PER1: variants seen among roughly 807,000 people sequenced by gnomAD.
The protein encoded by PER1 is period circadian regulator 1, also known as period circadian protein homolog 1.
Under a neutral mutation model 125.9 loss-of-function variants are expected in PER1, and 87 were observed. The ratio of observed to expected loss-of-function variants is 0.69; its 90% confidence interval spans 0.58 to 0.83. The LOEUF (loss-of-function observed/expected upper bound fraction) is 0.83. PER1 is among the 40% of genes least tolerant of loss of function. The pLI is 0.00. For missense variants in PER1, 1,775 were observed against 1,722.8 expected, an observed-to-expected ratio of 1.03 and a Z score of -0.54; for synonymous variants, 801 against 714.7, an observed-to-expected ratio of 1.12 and a Z score of -1.93.
rs1598245330 is a variant in PER1, at chr17:8,142,287, G to C, written c.3431C>G (p.Thr1144Ser). The C allele has an allele frequency of 6.2e-7, 1 of 1,602,206 alleles. No individual in the cohort carries two copies. The highest frequency in any genetic ancestry group is 2.2e-5 in the East Asian group (1 of 44,780). Residue 1144 changes from threonine to serine, a missense_variant, in exon 21 of 23, where the codon ACC becomes AGC. Coordinates refer to ENST00000317276, the MANE Select transcript of PER1 (RefSeq NM_002616.3). Reference sequence around the variant, plus strand: ...GCCTCACCTGGAGGGCACCTGGTAGGTCATCATGACGCGCTGGTCAGCATT... The same window carrying C: ...GCCTCACCTGGAGGGCACCTGGTAGCTCATCATGACGCGCTGGTCAGCATT... ...MANADQRVMM[T>S]YQVPSRDMTS...
At chr17:8,144,406 G>A (rs2151859866) in intron 18 of PER1, 2 of 435,396 alleles carry the variant, frequency 4.6e-6, no homozygotes, top group Admixed American at 4.1e-5. Flanking sequence ...CCCAGAGTTG[G>A]CCCAGAATCT....
chr17:8,148,210 G>A lies in PER1; in HGVS notation c.1098C>T (p.Pro366=), dbSNP rs763930571. ...DKRIFTTRHT[P]SCLFQDVDER... ...CATCCACATCCTGGAAGAGGCAGCT[G>A]GGTGTGTGCCGCGTAGTGAAAATCC... Residue 366 remains proline (P), a synonymous_variant, in exon 9 of 23, where the codon CCC becomes CCT. Coordinates refer to ENST00000317276, the MANE Select transcript of PER1 (RefSeq NM_002616.3). 1.9e-6 allele frequency: 3 copies of A among 1,614,118 alleles called. No homozygotes were observed. Among genetic ancestry groups the A allele is most frequent in the South Asian group, 1.1e-5 (1 of 91,078 alleles).
Position 8,141,313 on chromosome 17 carries a change from G to C in PER1, c.3628C>G (p.Gln1210Glu). ...GGGTCATCAGGGTGACCAGGATCTT[G>C]GGTGCTGCTCCCACAGTCCACACAG... Reference protein sequence around the residue: ...MACVDCGSSTQDPGHPDDPLF... With the variant: ...MACVDCGSSTEDPGHPDDPLF... The change falls in exon 23 of 23, where the codon CAA (glutamine) becomes GAA (glutamate). Residue 1210 changes from glutamine (Q) to glutamate (E), a missense_variant. Physicochemically the swap from Gln to Glu is conservative, Grantham distance 29 (BLOSUM62 2). Transcript: ENST00000317276. 1 of 1,612,766 alleles carries C rather than the reference G, an allele frequency of 6.2e-7. No individual in the cohort carries two copies. Among genetic ancestry groups the C allele is most frequent in the Non-Finnish European group, 8.5e-7 (1 of 1,179,400 alleles).
In PER1 at chr17:8,149,651, C is replaced by A; in HGVS notation, c.664G>T (p.Val222Leu). The change falls in exon 6 of 23, where the codon GTG becomes TTG. Residue 222 changes from valine to leucine, a missense_variant. By Grantham distance (32) the Val-to-Leu change is conservative (BLOSUM62 1). Coordinates refer to ENST00000317276, the MANE Select transcript of PER1 (RefSeq NM_002616.3). ...CGGCCCGTCAGGAAGGAGACAGCCACTGAGAAGGTATCCTGGCAGGAGGGG... is the reference window on the plus strand; with the variant it reads ...CGGCCCGTCAGGAAGGAGACAGCCAATGAGAAGGTATCCTGGCAGGAGGGG... Reference protein sequence around the residue: ...YTLQNQDTFSVAVSFLTGRIV... With the variant: ...YTLQNQDTFSLAVSFLTGRIV... 1 of 1,610,262 alleles carries A rather than the reference C, an allele frequency of 6.2e-7. No homozygotes were observed.
intron 7 of PER1, 194 bp from the exon 8 acceptor site, chr17:8,148,980 GGAGTTC>G: frequency 4.6e-6 from 3 of 655,458 alleles, no homozygotes; most frequent in Non-Finnish European, 7.8e-6. Context: ...CCTGAGGTCA[GGAGTTC>G]GAGACCAGCC....
Position 8,143,475 on chromosome 17 carries a change from A to T in PER1, c.2863T>A (p.Ser955Thr). ...GGGGCGAGGGCGGGCAAGGATGGAG[A>T]AGGGGAGTGCGAGGCAGGAGTGGGA... ...GPPTPASHSPSPSLPALAPSP... is the reference protein window; with the variant it reads ...GPPTPASHSPTPSLPALAPSP... The change falls in exon 19 of 23, where the codon TCT (serine) becomes ACT (threonine). Residue 955 changes from serine (S) to threonine (T), a missense_variant. Physicochemically the swap from Ser to Thr is moderately conservative, Grantham distance 58. Transcript: ENST00000317276. 3.8e-6 allele frequency: 6 copies of T among 1,599,984 alleles called. No homozygotes were observed. Among genetic ancestry groups the T allele is most frequent in the Non-Finnish European group, 4.3e-6 (5 of 1,172,208 alleles).
chr17:8,143,949 C>CA, intron 18 of PER1, 73 bp from the exon 19 acceptor site: 2 of 1,520,392 alleles, frequency 1.3e-6, no homozygotes, highest in Non-Finnish European at 1.8e-6. Context: ...ACTGCCCTGA[C>CA]ACGCTGACCA....
At position 8,141,351 on chromosome 17, in the gene PER1, G is replaced by C. The variant is rs1016239454; in HGVS notation, c.3601-11C>G. 6.3e-7 allele frequency: 1 copy of C among 1,592,954 alleles called. No homozygotes were observed. Among genetic ancestry groups the C allele is most frequent in the African/African-American group, 1.3e-5 (1 of 74,658 alleles). On this transcript the variant is annotated splice_polypyrimidine_tract_variant and intron_variant, in intron 22 of 22. Transcript: ENST00000317276. ...ACAGTCCACACAGGCCTTGGTGAGA[G>C]AAATGGACATGAGAGAGTCAGACAG...
Position 8,150,616 on chromosome 17 carries a change from G to C in PER1, c.91C>G (p.Pro31Ala). The C allele has an allele frequency of 1.2e-6, 2 of 1,613,282 alleles. No individual in the cohort carries two copies. Among genetic ancestry groups the C allele is most frequent in the South Asian group, 2.2e-5 (2 of 91,062 alleles). ...GGGCCTGGGCAAGGCCGGTGCTGTG[G>C]GGGCCCAGGGGATGGGACGCCCCCA... ...CPGGVPSPGP[P>A]QHRPCPGPSL... The change falls in exon 2 of 23, where the codon CCA (proline) becomes GCA (alanine). Residue 31 changes from proline (P) to alanine (A), a missense_variant. Pro to Ala is a conservative substitution (Grantham distance 27). Transcript: ENST00000317276.
At chr17:8,143,027 A>C (rs956768039) in intron 19 of PER1, among the ~76,000 whole-genome samples, 192 bp from the exon 20 acceptor site, 15 of 152,156 alleles carry the variant, frequency 9.9e-5, no homozygotes, top group Non-Finnish European at 1.5e-4. Context: ...GACCCTTTCC[A>C]AGTGACAGAT....
intron 15 of PER1, 37 bp from the exon 16 acceptor site, chr17:8,146,539 C>T (rs1170591955): frequency 1.9e-6 from 3 of 1,604,562 alleles, no homozygotes; most frequent in South Asian, 1.1e-5. Context: ...CAGAGCAGGG[C>T]TTGGGGTGGG....
At position 8,146,131 on chromosome 17, in the gene PER1, G is replaced by T; in HGVS notation, c.2045C>A (p.Pro682Gln). 2 of 1,601,406 alleles carry T rather than the reference G, an allele frequency of 1.2e-6. No homozygotes were observed. The highest frequency in any genetic ancestry group is 8.5e-7 in the Non-Finnish European group (1 of 1,173,816). ...CCCCTCCCCAGACAGCGCTGCTGAC[G>T]GCGGATCTGTGCAGAGAGATGGTGC... ...PVSVGTKKDP[P>Q]SAALSGEGAT... Residue 682 changes from proline (P) to glutamine (Q), a missense_variant, in exon 17 of 23, where the codon CCG becomes CAG. Physicochemically the swap from Pro to Gln is moderately conservative, Grantham distance 76. Transcript: ENST00000317276.
Position 8,143,740 on chromosome 17 carries a change from G to A in PER1, c.2598C>T (p.Thr866=), listed in dbSNP as rs1444768097. ...TAGTGGCTGGTGGGGTGGGCCAGGG[G>A]GTGGAGGGTGGCACGGGTGAGGGGT... The part of the protein sequence containing the change: ...VSHPSPVPPS[T]PWPTPPATTP... Residue 866 remains threonine (T), a synonymous_variant, in exon 19 of 23, where the codon ACC becomes ACT. Coordinates refer to ENST00000317276, the MANE Select transcript of PER1 (RefSeq NM_002616.3). 1.3e-6 allele frequency: 2 copies of A among 1,558,908 alleles called. No homozygotes were observed. The highest frequency in any genetic ancestry group is 8.7e-7 in the Non-Finnish European group (1 of 1,146,530).
rs575354909 is a variant in PER1 at position 8,145,419 on chromosome 17, G to A, written c.2219-426C>T. 2.7e-5 allele frequency among the ~76,000 whole-genome samples: 4 copies of A among 149,062 alleles called. No individual in the cohort carries two copies. The South Asian group carries it at 8.4e-4, about 31-fold the overall frequency. ...GCTCACTGCAACCACCACCCCCTGG[G>A]TTCAAGCGATTCTCCTGTCCCAGCC... On this transcript the variant is annotated intron_variant, in intron 17 of 22. Coordinates refer to ENST00000317276, the MANE Select transcript of PER1 (RefSeq NM_002616.3).
Position 8,147,310 on chromosome 17 carries a change from G to A in PER1, c.1569C>T (p.Ser523=). Residue 523 remains serine, a synonymous_variant, in exon 13 of 23, where the codon AGC becomes AGT. Coordinates refer to ENST00000317276, the MANE Select transcript of PER1 (RefSeq NM_002616.3). ...CGTTGCTATCACTGGAGGACCCAGGGCTGTGGAGAGGGCCTGGGGATGTCA... is the reference window on the plus strand; with the variant it reads ...CGTTGCTATCACTGGAGGACCCAGGACTGTGGAGAGGGCCTGGGGATGTCA... ...GAVTSPGPLH[S]PGSSSDSNGG... 2 of 1,613,590 alleles carry A rather than the reference G, an allele frequency of 1.2e-6. No homozygotes were observed. The highest frequency in any genetic ancestry group is 1.7e-6 in the Non-Finnish European group (2 of 1,179,844).
chr17:8,144,583 C>G (rs1481220073), intron 18 of PER1, 168 bp downstream of exon 18: 1 of 868,874 alleles, frequency 1.2e-6, no homozygotes, highest in Non-Finnish European at 1.7e-6. Flanking sequence ...GGAACCCCAT[C>G]CTAGTGGGGA....
Position 8,142,755 on chromosome 17 carries a change from C to T in PER1, c.3153G>A (p.Ser1051=), listed in dbSNP as rs35577688. 289 of 1,613,848 alleles carry T rather than the reference C, an allele frequency of 1.8e-4. 1 individual carries two copies. In the African/African-American group the frequency reaches 3.4e-3, roughly 19 times the overall value. ...AGGCTGCGGAGCCTGTGCCGGAGCGCGAGTCCTCTTGCAGCAGAAGTTCGA... is the reference window on the plus strand; with the variant it reads ...AGGCTGCGGAGCCTGTGCCGGAGCGTGAGTCCTCTTGCAGCAGAAGTTCGA... ...DLLELLLQED[S]RSGTGSAASG... is the part of the protein sequence containing the mutation. The change falls in exon 20 of 23, where the codon TCG becomes TCA. Residue 1051 remains serine, a synonymous_variant. Transcript: ENST00000317276.
In PER1 at chr17:8,150,636, C is replaced by T. The variant is rs1365785534; in HGVS notation, c.71G>A (p.Gly24Asp). 3 of 1,609,586 alleles carry T rather than the reference C, an allele frequency of 1.9e-6. No homozygotes were observed. The highest frequency in any genetic ancestry group is 2.5e-6 in the Non-Finnish European group (3 of 1,178,380). ...CTGTGGGGGCCCAGGGGATGGGACG[C>T]CCCCAGGACAAAATGATTCCCCAGG... ...PRPGESFCPG[G>D]VPSPGPPQHR... is the part of the protein sequence containing the mutation. The change falls in exon 2 of 23, where the codon GGC becomes GAC. Residue 24 changes from glycine to aspartate, a missense_variant. Transcript: ENST00000317276.
In PER1 at chr17:8,150,315, G is replaced by A. The variant is rs764230981; in HGVS notation, c.278C>T (p.Thr93Ile). 2 of 1,550,226 alleles carry A rather than the reference G, an allele frequency of 1.3e-6. No individual in the cohort carries two copies. The highest frequency in any genetic ancestry group is 4.5e-5 in the East Asian group (2 of 44,268). The change falls in exon 3 of 23, where the codon ACA (threonine) becomes ATA (isoleucine). Residue 93 changes from threonine (T) to isoleucine (I), a missense_variant and splice_region_variant. By Grantham distance (89) the Thr-to-Ile change is moderately conservative. Coordinates refer to ENST00000317276, the MANE Select transcript of PER1 (RefSeq NM_002616.3). ...LLETTESSKS[T>I]NSQSPSPPSS... The stretch of plus-strand genomic sequence containing the variant: ...GGGTGGGGATGGGCTCTGAGAGTTT[G>A]TGCTAGGAGACAGCAACAGGCCCAG...
Sources: allele counts gnomAD v4.1 joint callset (sites outside exome capture counted in the v4.1 genomes callset), GRCh38; gene constraint gnomAD v4.1.1; transcripts MANE v1.5; gene names NCBI Gene and HGNC (gene_info 2026-07-23, HGNC 2026-07-21).